Variants in PTPRK observed in about 807,000 individuals in gnomAD.
PTPRK encodes protein tyrosine phosphatase receptor type K, also known as receptor-type tyrosine-protein phosphatase kappa.
PTPRK carries 75 observed loss-of-function variants against 178.0 expected under a neutral mutation model. The ratio of observed to expected loss-of-function variants is 0.42; its 90% confidence interval spans 0.35 to 0.51. The LOEUF is 0.51. PTPRK is among the 20% of genes least tolerant of loss of function. PTPRK has a pLI of 0.02. For synonymous variants in PTPRK, 637 were observed against 620.6 expected (o/e 1.03, Z -0.39); for missense variants, 1,441 against 1,797.8 (o/e 0.80, Z 3.59).
Position 128,003,264 on chromosome 6 carries a change from A to G in PTPRK, c.2494+1820T>C, listed in dbSNP as rs116803619. The G allele has an allele frequency of 1.7e-3, 2,721 of 1,555,438 alleles. 46 individuals carry two copies. The African/African-American group carries it at 0.031, about 18-fold the overall frequency. On this transcript the variant is annotated intron_variant, in intron 15 of 29. Coordinates refer to ENST00000368226, the MANE Select transcript of PTPRK (RefSeq NM_002844.4). ...GAAAACAAAGCTCATGAAGGAATAT[A>G]TTGCTCTAAAATTGTTTTTTAAAAT...
At chr6:128,279,286 T>C (rs1219153131) in intron 3 of PTPRK, among the ~76,000 whole-genome samples, 1 of 151,896 alleles carries the variant, frequency 6.6e-6, no homozygotes, top group Non-Finnish European at 1.5e-5. Flanking sequence ...TACAGCTTGA[T>C]TCTAATTAAC....
chr6:128,090,717 T>A (rs187912902), intron 7 of PTPRK, among the ~76,000 whole-genome samples: 2 of 152,270 alleles, frequency 1.3e-5, no homozygotes, highest in East Asian at 3.9e-4. Flanking sequence ...CTAGAATCCA[T>A]CCTTCACTGC....
rs533788467 is a variant in PTPRK at position 128,099,370 on chromosome 6, G to A, written c.1163-9378C>T. On this transcript the variant is annotated intron_variant, in intron 7 of 29. Transcript: ENST00000368226. ...TACTAGTTAATAAAATGCTAAGAGGGCCCAGTTTTAAGTGAGACTATCTCG... is the reference window on the plus strand; with the variant it reads ...TACTAGTTAATAAAATGCTAAGAGGACCCAGTTTTAAGTGAGACTATCTCG... Among the ~76,000 whole-genome samples the A allele has an allele frequency of 1.8e-3, 269 of 151,788 alleles. 1 individual carries two copies. Among genetic ancestry groups the A allele is most frequent in the African/African-American group, 6.2e-3 (257 of 41,398 alleles).
At chr6:128,510,592 A>C (rs1857027485) in intron 1 of PTPRK, among the ~76,000 whole-genome samples, 1 of 152,170 alleles carries the variant, frequency 6.6e-6, no homozygotes, top group Non-Finnish European at 1.5e-5. Flanking sequence ...TTTGCTTTCT[A>C]TTAAAAATAA....
At chr6:128,353,620 TATAC>T (rs926292175) in intron 2 of PTPRK, among the ~76,000 whole-genome samples, 1 of 152,108 alleles carries the variant, frequency 6.6e-6, no homozygotes, top group African/African-American at 2.4e-5. Context: ...ATACATACCA[TATAC>T]ATACATACAT....
At chr6:128,249,318 A>AT (rs145237497) in intron 3 of PTPRK, among the ~76,000 whole-genome samples, 8,821 of 146,804 alleles carry the variant, frequency 0.06, 727 homozygotes, top group African/African-American at 0.19. Flanking sequence ...AAAAAACAGT[A>AT]TTTTTTTTTT....
chr6:128,315,640 A>T (rs190121497), intron 3 of PTPRK, among the ~76,000 whole-genome samples: 3 of 152,286 alleles, frequency 2.0e-5, no homozygotes, highest in Admixed American at 2.0e-4. Context: ...CACTAACAAC[A>T]GAATAATTAG....
intron 13 of PTPRK, among the ~76,000 whole-genome samples, chr6:128,022,206 T>G (rs1249114452): frequency 1.3e-5 from 2 of 152,194 alleles, no homozygotes; most frequent in Non-Finnish European, 2.9e-5. Context: ...TCAGAAGAAA[T>G]TAAGTGCCTG....
intron 1 of PTPRK, among the ~76,000 whole-genome samples, chr6:128,402,369 T>C (rs550297550): frequency 1.3e-5 from 2 of 152,280 alleles, no homozygotes; most frequent in Admixed American, 1.3e-4. Context: ...GCGATCCTCC[T>C]GCCTCAGCCT....
At chr6:128,304,482 T>G (rs1476081775) in intron 3 of PTPRK, among the ~76,000 whole-genome samples, 1 of 152,196 alleles carries the variant, frequency 6.6e-6, no homozygotes, top group Non-Finnish European at 1.5e-5. Context: ...ATAAAACATT[T>G]AAGTTTTTTT....
At chr6:128,205,261 G>A (rs1806715206) in intron 6 of PTPRK, among the ~76,000 whole-genome samples, 1 of 152,092 alleles carries the variant, frequency 6.6e-6, no homozygotes, top group Non-Finnish European at 1.5e-5. Context: ...GGGCCTGTTG[G>A]ATGGAAGTAT....
At chr6:128,469,718 A>C (rs148536191) in intron 1 of PTPRK, among the ~76,000 whole-genome samples, 1 of 152,168 alleles carries the variant, frequency 6.6e-6, no homozygotes, top group Non-Finnish European at 1.5e-5. Flanking sequence ...TAAGGTTGAT[A>C]ATCAGCTGAC....
At chr6:128,430,940 CT>C (rs577140756) in intron 1 of PTPRK, among the ~76,000 whole-genome samples, 243 of 136,918 alleles carry the variant, frequency 1.8e-3, no homozygotes, top group Middle Eastern at 7.6e-3. Flanking sequence ...TAATTTTTTT[CT>C]TTTTTTTTTT....
chr6:128,398,191 TCC>T (rs1464799022), intron 1 of PTPRK, among the ~76,000 whole-genome samples: 1 of 152,130 alleles, frequency 6.6e-6, no homozygotes, highest in Non-Finnish European at 1.5e-5. Flanking sequence ...TCCAAATACC[TCC>T]CTAGAGGTTT....
chr6:128,265,783 T>A (rs1023200622), intron 3 of PTPRK, among the ~76,000 whole-genome samples: 1 of 152,150 alleles, frequency 6.6e-6, no homozygotes, highest in African/African-American at 2.4e-5. Flanking sequence ...AATTTAAAAA[T>A]TCATACATGT....
intron 13 of PTPRK, among the ~76,000 whole-genome samples, chr6:128,010,643 C>G (rs908531772): frequency 6.6e-6 from 1 of 151,136 alleles, no homozygotes. Context: ...ATGTAAATAT[C>G]ATTATATAAA....
intron 6 of PTPRK, among the ~76,000 whole-genome samples, chr6:128,213,430 T>C (rs948589392): frequency 1.3e-5 from 2 of 151,896 alleles, no homozygotes; most frequent in Non-Finnish European, 2.9e-5. Flanking sequence ...TTTTGGGGGG[T>C]AAAATTAGTA....
chr6:128,487,495 C>T (rs1191734330), intron 1 of PTPRK, among the ~76,000 whole-genome samples: 1 of 151,862 alleles, frequency 6.6e-6, no homozygotes, highest in Non-Finnish European at 1.5e-5. Context: ...TCCTCTCCTC[C>T]AAAACAGGCC....
At chr6:127,992,287 A>G (rs1776698036) in intron 19 of PTPRK, among the ~76,000 whole-genome samples, 1 of 151,720 alleles carries the variant, frequency 6.6e-6, no homozygotes, top group Non-Finnish European at 1.5e-5. Flanking sequence ...CATTATAACA[A>G]TATTGGTCTT....
Sources: gnomAD v4.1 joint callset for allele counts (sites outside exome capture counted in the v4.1 genomes callset) on GRCh38, gnomAD v4.1.1 for gene constraint, MANE v1.5 for transcripts, NCBI Gene and HGNC (gene_info 2026-07-23, HGNC 2026-07-21) for gene names.